MYT1: variants seen among roughly 807,000 people sequenced by gnomAD.
The protein encoded by MYT1 is myelin transcription factor 1.
MYT1 carries 23 observed loss-of-function variants against 123.0 expected under a neutral mutation model. That is an observed-to-expected ratio of 0.19 (90% CI 0.13 to 0.26). The LOEUF is 0.26. MYT1 is among the 10% of genes least tolerant of loss of function. The probability of loss-of-function intolerance (pLI) is 1.00; values close to 1 mark genes in which losing one functional copy is unlikely to be tolerated. For missense variants in MYT1, 1,125 were observed against 1,472.5 expected (o/e 0.76, Z 3.86); for synonymous variants, 518 against 575.3 (o/e 0.90, Z 1.43).
intron 3 of MYT1, among the ~76,000 whole-genome samples, 199 bp from the exon 4 acceptor site, chr20:64,199,693 C>T (rs1428018672): frequency 6.6e-6 from 1 of 152,202 alleles, no homozygotes; most frequent in East Asian, 1.9e-4. Flanking sequence ...GAGCAGCTCA[C>T]TCTGTTGACC....
intron 12 of MYT1, 84 bp from the exon 13 acceptor site, chr20:64,219,629 C>T: frequency 1.6e-6 from 2 of 1,230,158 alleles, no homozygotes; most frequent in Non-Finnish European, 2.3e-6. Flanking sequence ...GTGTTCTGGA[C>T]TCTGTACGTT....
Position 64,240,454 on chromosome 20 carries a change from G to A in MYT1, c.*6G>A. The A allele has an allele frequency of 6.2e-7, 1 of 1,611,268 alleles. No individual in the cohort carries two copies. The highest frequency in any genetic ancestry group is 8.5e-7 in the Non-Finnish European group (1 of 1,179,138). ...TGAGGGGCATCCAGGTCTAGGCCGT[G>A]TGGTACCCAGAAGTGTCCCAGCCCA... On this transcript the variant is annotated 3_prime_UTR_variant, in exon 23 of 23. Coordinates refer to ENST00000328439, the MANE Select transcript of MYT1 (RefSeq NM_004535.3).
At chr20:64,184,256 G>A (rs1000705254) in intron 1 of MYT1, among the ~76,000 whole-genome samples, 4 of 151,994 alleles carry the variant, frequency 2.6e-5, no homozygotes, top group African/African-American at 9.7e-5. Context: ...GATTTACCGC[G>A]GTGTTTTCTA....
chr20:64,241,428 G>A lies in MYT1; in HGVS notation c.*980G>A, dbSNP rs748089570. The A allele has an allele frequency of 9.2e-5, 14 of 152,564 alleles. No homozygotes were observed. The highest frequency in any genetic ancestry group is 1.5e-4 in the Non-Finnish European group (10 of 68,038). The allele number at this position is 152,564 out of a possible 1,614,324, so 9.5% of individuals were successfully genotyped here. A position where few individuals can be genotyped will look rare whatever the true frequency, so the allele number is the denominator to read the frequency against. ...TAATTTAATGTGTTAAAAACACAATGTCCCTACCGTGTAAATAGAATCCAA... is the reference window on the plus strand; with the variant it reads ...TAATTTAATGTGTTAAAAACACAATATCCCTACCGTGTAAATAGAATCCAA... On this transcript the variant is annotated 3_prime_UTR_variant, in exon 23 of 23. Coordinates refer to ENST00000328439, the MANE Select transcript of MYT1 (RefSeq NM_004535.3). This position sits in a 1 kb window ranked among gnomAD's most constrained non-coding sequence, Gnocchi z 4.2.
At chr20:64,238,008 G>A (rs575944213) in intron 21 of MYT1, among the ~76,000 whole-genome samples, 161 of 152,298 alleles carry the variant, frequency 1.1e-3, no homozygotes, top group Middle Eastern at 3.4e-3. Context: ...TCCAGAGTAA[G>A]TGCCGTCGAT....
At chr20:64,199,383 C>T (rs150392405) in intron 3 of MYT1, among the ~76,000 whole-genome samples, 3 of 152,280 alleles carry the variant, frequency 2.0e-5, no homozygotes, top group South Asian at 2.1e-4. Flanking sequence ...CTGATACGGG[C>T]GGGGGCTTCC....
At chr20:64,223,879 C>T (rs1051551923) in intron 16 of MYT1, among the ~76,000 whole-genome samples, 1 of 152,202 alleles carries the variant, frequency 6.6e-6, no homozygotes, top group African/African-American at 2.4e-5. Flanking sequence ...ATGCCCTCCC[C>T]CCATGCTCAT....
chr20:64,237,627 G>A (rs578178177), intron 21 of MYT1, among the ~76,000 whole-genome samples: 4 of 152,322 alleles, frequency 2.6e-5, no homozygotes, highest in African/African-American at 9.6e-5. Flanking sequence ...TCCCGCCAGG[G>A]CTGTGGTCTC....
intron 2 of MYT1, among the ~76,000 whole-genome samples, chr20:64,195,396 G>GTGTT (rs1250599696): frequency 1.2e-4 from 4 of 32,978 alleles, no homozygotes; most frequent in Non-Finnish European, 2.0e-4. Context: ...GTGTGTGTGT[G>GTGTT]TATACTTTTT....
chr20:64,234,923 T>G (rs1054510708), intron 19 of MYT1, among the ~76,000 whole-genome samples: 1,360 of 37,874 alleles, frequency 0.036, no homozygotes, highest in Non-Finnish European at 0.039. Context: ...GGGTGACCCT[T>G]GGCTGGCCAT....
chr20:64,208,070 GAGGAAGAGGAGGAGGAA>G lies in MYT1; in HGVS notation c.875_891del (p.Glu292GlyfsTer13). 1 of 1,606,242 alleles carries G rather than the reference GAGGAAGAGGAGGAGGAA, an allele frequency of 6.2e-7. No homozygotes were observed. Among genetic ancestry groups the G allele is most frequent in the Non-Finnish European group, 8.5e-7 (1 of 1,176,996 alleles). On this transcript the variant is annotated frameshift_variant, in exon 7 of 23. Coordinates refer to ENST00000328439, the MANE Select transcript of MYT1 (RefSeq NM_004535.3). LOFTEE classifies it high-confidence loss of function. The surrounding 1 kb of genome is among the most constrained non-coding windows in gnomAD (Gnocchi z 5.4). ...GGAAGAGGAAGAGGAGGAGGAGGAA[GAGGAAGAGGAGGAGGAA>G]GAGGAAGAGGAAGAGGAGGAGGAGG...
intron 8 of MYT1, 61 bp from the exon 9 acceptor site, chr20:64,211,987 A>T: frequency 7.0e-7 from 1 of 1,426,116 alleles, no homozygotes; most frequent in Non-Finnish European, 9.9e-7. Context: ...CTCCCCACAC[A>T]GCTGGCGCTC....
Position 64,203,689 on chromosome 20 carries a change from G to T in MYT1, c.87-1346G>T, listed in dbSNP as rs1983393224. 6.6e-6 allele frequency among the ~76,000 whole-genome samples: 1 copy of T among 152,210 alleles called. No homozygotes were observed. Among genetic ancestry groups the T allele is most frequent in the South Asian group, 2.1e-4 (1 of 4,832 alleles). ...TGAGCCAGGGGATAGGGTAAGGCCT[G>T]GATTCTGCTGACGGTTCTCCCAGAG... On this transcript the variant is annotated intron_variant, in intron 4 of 22. Coordinates refer to ENST00000328439, the MANE Select transcript of MYT1 (RefSeq NM_004535.3). The surrounding 1 kb of genome is among the most constrained non-coding windows in gnomAD (Gnocchi z 5.1).
intron 1 of MYT1, among the ~76,000 whole-genome samples, chr20:64,173,049 T>C (rs1440317249): frequency 2.0e-5 from 3 of 152,158 alleles, no homozygotes; most frequent in African/African-American, 7.2e-5. Flanking sequence ...TTAATTCTTA[T>C]CTTGCATCTG....
chr20:64,238,469 A>G (rs1005105801), intron 21 of MYT1, among the ~76,000 whole-genome samples: 2 of 151,840 alleles, frequency 1.3e-5, no homozygotes, highest in African/African-American at 4.9e-5. Flanking sequence ...CTCTACTGGC[A>G]AACAGGCTCA....
intron 7 of MYT1, among the ~76,000 whole-genome samples, chr20:64,210,554 G>A (rs746128898): frequency 1.4e-4 from 22 of 152,220 alleles, no homozygotes; most frequent in Non-Finnish European, 2.9e-4. Flanking sequence ...CCTGCTCTGA[G>A]GTGGGAGTTC....
At chr20:64,198,456 G>A (rs1983195196) in intron 2 of MYT1, among the ~76,000 whole-genome samples, 1 of 152,182 alleles carries the variant, frequency 6.6e-6, no homozygotes, top group Non-Finnish European at 1.5e-5. Context: ...CTCAGCACCT[G>A]CCTGACCAGG....
rs1028173130 is a variant in MYT1 at position 64,189,388 on chromosome 20, G to A, written c.-98-675G>A. 3.3e-5 allele frequency among the ~76,000 whole-genome samples: 5 copies of A among 152,192 alleles called. No individual in the cohort carries two copies. The highest frequency in any genetic ancestry group is 2.1e-4 in the South Asian group (1 of 4,832). On this transcript the variant is annotated intron_variant, in intron 1 of 22. Transcript: ENST00000328439. The surrounding 1 kb of genome is among the most constrained non-coding windows in gnomAD (Gnocchi z 5.5). ...TTTCTTTGTCATGTCCAGCTGATGCGTTCAGCCTCTGCTCAGACATGGGAA... is the reference window on the plus strand; with the variant it reads ...TTTCTTTGTCATGTCCAGCTGATGCATTCAGCCTCTGCTCAGACATGGGAA...
At chr20:64,222,182 C>A in intron 14 of MYT1, 135 bp downstream of exon 14, 1 of 871,830 alleles carries the variant, frequency 1.1e-6, no homozygotes, top group South Asian at 1.7e-5. Context: ...TCGAGCCAGG[C>A]AGCCTGTGAC....
Sources: gnomAD v4.1 joint callset for allele counts (sites outside exome capture counted in the v4.1 genomes callset) on GRCh38, gnomAD v4.1.1 for gene constraint, Gnocchi (gnomAD v3.1) non-coding constraint, MANE v1.5 for transcripts, NCBI Gene and HGNC (gene_info 2026-07-23, HGNC 2026-07-21) for gene names.